E2F3: variants seen among roughly 807,000 people sequenced by gnomAD.
E2F3 encodes E2F transcription factor 3, also known as transcription factor E2F3.
Under a neutral mutation model 44.4 loss-of-function variants are expected in E2F3, and 11 were observed. That is an observed-to-expected ratio of 0.25 (90% CI 0.16 to 0.41). The LOEUF is 0.41. E2F3 is among the 10% of genes least tolerant of loss of function. The pLI, the probability that E2F3 is intolerant of heterozygous loss-of-function variation, is 1.00. For synonymous variants in E2F3, 249 were observed against 253.0 expected (o/e 0.98, Z 0.15); for missense variants, 487 against 583.6 (o/e 0.83, Z 1.70).
intron 1 of E2F3, among the ~76,000 whole-genome samples, chr6:20,472,296 G>A (rs1219026689): frequency 2.0e-5 from 3 of 152,118 alleles, no homozygotes; most frequent in Non-Finnish European, 4.4e-5. Flanking sequence ...TCGTGCAGTG[G>A]CAGCATGGAT....
chr6:20,438,919 A>C (rs752273242), intron 1 of E2F3, among the ~76,000 whole-genome samples: 63 of 152,294 alleles, frequency 4.1e-4, no homozygotes, highest in South Asian at 1.5e-3. Flanking sequence ...GCATGTTAGA[A>C]TGGTATTTTA....
intron 1 of E2F3, among the ~76,000 whole-genome samples, chr6:20,433,894 C>G (rs1760490014): frequency 6.6e-6 from 1 of 152,216 alleles, no homozygotes; most frequent in African/African-American, 2.4e-5. Context: ...TCCTTAAAAT[C>G]ATGTTAATGA....
chr6:20,482,231 C>T (rs1451627797), intron 3 of E2F3, among the ~76,000 whole-genome samples: 4 of 152,092 alleles, frequency 2.6e-5, no homozygotes, highest in South Asian at 2.1e-4. Flanking sequence ...TCAGTTCTTG[C>T]ATACATCACA....
In E2F3 at chr6:20,490,151, C is replaced by T; in HGVS notation, c.1136-17C>T. The T allele has an allele frequency of 1.3e-6, 2 of 1,550,646 alleles. No individual in the cohort carries two copies. Among genetic ancestry groups the T allele is most frequent in the South Asian group, 2.4e-5 (2 of 82,746 alleles). The stretch of plus-strand genomic sequence containing the variant: ...TTTCTAACTTATTTTTTGTTTCCAT[C>T]AATGTTTTCTTTTCAGACTTGGCTT... On this transcript the variant is annotated splice_polypyrimidine_tract_variant and intron_variant, in intron 6 of 6. Transcript: ENST00000346618. This position sits in a 1 kb window ranked among gnomAD's most constrained non-coding sequence, Gnocchi z 4.3.
intron 1 of E2F3, among the ~76,000 whole-genome samples, chr6:20,467,062 C>G (rs1012120459): frequency 2.6e-5 from 4 of 152,138 alleles, no homozygotes; most frequent in African/African-American, 9.7e-5. Flanking sequence ...CTCTTCCCCC[C>G]TACCCTTCAT....
chr6:20,436,524 G>A (rs984395492), intron 1 of E2F3, among the ~76,000 whole-genome samples: 18 of 152,014 alleles, frequency 1.2e-4, no homozygotes, highest in East Asian at 3.9e-4. Flanking sequence ...AAGAAACTTC[G>A]TGAATTTCTG....
chr6:20,431,114 A>C (rs1760385718), intron 1 of E2F3, among the ~76,000 whole-genome samples: 1 of 152,192 alleles, frequency 6.6e-6, no homozygotes, highest in South Asian at 2.1e-4. Flanking sequence ...AATTCACAAG[A>C]GTGTGCTGAA....
intron 1 of E2F3, among the ~76,000 whole-genome samples, chr6:20,434,993 G>A (rs182827919): frequency 2.0e-4 from 30 of 152,354 alleles, no homozygotes; most frequent in Non-Finnish European, 3.7e-4. Context: ...CAGATTTGGC[G>A]TCAGCCGTGG....
chr6:20,445,843 C>T (rs145712345), intron 1 of E2F3, among the ~76,000 whole-genome samples: 1 of 152,260 alleles, frequency 6.6e-6, no homozygotes, highest in African/African-American at 2.4e-5. Context: ...AATTTAAAAA[C>T]AAGTAAGATG....
chr6:20,450,275 C>T (rs936749135), intron 1 of E2F3, among the ~76,000 whole-genome samples: 2 of 152,074 alleles, frequency 1.3e-5, no homozygotes, highest in Non-Finnish European at 2.9e-5. Flanking sequence ...GGCAACCTCA[C>T]CAGCATCTAT....
At position 20,491,178 on chromosome 6, in the gene E2F3, G is replaced by T. The variant is rs1326156281; in HGVS notation, c.*748G>T. 4.3e-6 allele frequency: 1 copy of T among 232,640 alleles called. No individual in the cohort carries two copies. Among genetic ancestry groups the T allele is most frequent in the Admixed American group, 5.6e-5 (1 of 17,724 alleles). The allele number at this position is 232,640 out of a possible 1,614,324, so 14.4% of individuals were successfully genotyped here. On this transcript the variant is annotated 3_prime_UTR_variant, in exon 7 of 7. Transcript: ENST00000346618. ...CCATTCCCCCGTCCCCAATGTGTTT[G>T]TGAGTTTCCAGTTGATTTGTAGCAA...
In E2F3 at chr6:20,490,044, G is replaced by C; in HGVS notation, c.1136-124G>C. ...AAAAGGTGATCTGCATCATAAAGTC[G>C]TCTCATTGTCATTATTTGCGGAAGG... On this transcript the variant is annotated intron_variant, in intron 6 of 6. Transcript: ENST00000346618. This position sits in a 1 kb window ranked among gnomAD's most constrained non-coding sequence, Gnocchi z 4.3. The C allele has an allele frequency of 9.3e-7, 1 of 1,075,450 alleles. No homozygotes were observed. The highest frequency in any genetic ancestry group is 1.3e-6 in the Non-Finnish European group (1 of 763,002). The allele number at this position is 1,075,450 out of a possible 1,614,324, so 66.6% of individuals were successfully genotyped here.
chr6:20,474,918 A>G (rs1459494352), intron 1 of E2F3, among the ~76,000 whole-genome samples: 2 of 152,080 alleles, frequency 1.3e-5, no homozygotes, highest in African/African-American at 4.8e-5. Context: ...CCCAACGGGA[A>G]CCTCCCTTCT....
chr6:20,433,289 C>T (rs928760022), intron 1 of E2F3, among the ~76,000 whole-genome samples: 3 of 152,122 alleles, frequency 2.0e-5, no homozygotes, highest in African/African-American at 4.8e-5. Context: ...CTGTCTGTGT[C>T]GTGCATTATG....
intron 1 of E2F3, among the ~76,000 whole-genome samples, chr6:20,450,366 A>G (rs899793118): frequency 2.0e-5 from 3 of 152,116 alleles, no homozygotes; most frequent in African/African-American, 4.8e-5. Context: ...CATTTTTCTA[A>G]TGATCAGTGA....
intron 1 of E2F3, among the ~76,000 whole-genome samples, chr6:20,460,827 C>T (rs1761477322): frequency 6.6e-6 from 1 of 151,506 alleles, no homozygotes; most frequent in Non-Finnish European, 1.5e-5. Flanking sequence ...GAAACCCTAT[C>T]TCTACTAAAA....
At chr6:20,423,868 A>G (rs1489763256) in intron 1 of E2F3, among the ~76,000 whole-genome samples, 5 of 151,850 alleles carry the variant, frequency 3.3e-5, no homozygotes, top group Non-Finnish European at 5.9e-5. Context: ...TCCCGAGTTC[A>G]ACCGATTCTC....
chr6:20,445,058 C>A, intron 1 of E2F3: 4 of 985,408 alleles, frequency 4.1e-6, no homozygotes, highest in Non-Finnish European at 3.6e-6. Flanking sequence ...GGACCAATAA[C>A]ACCCTGAGTG....
At chr6:20,453,256 A>G (rs1338438979) in intron 1 of E2F3, among the ~76,000 whole-genome samples, 4 of 152,138 alleles carry the variant, frequency 2.6e-5, no homozygotes. Flanking sequence ...AGTCACAGAA[A>G]GCATTTCCAC....
Sources: allele counts gnomAD v4.1 joint callset (sites outside exome capture counted in the v4.1 genomes callset), GRCh38; gene constraint gnomAD v4.1.1; non-coding constraint Gnocchi (gnomAD v3.1); transcripts MANE v1.5; gene names NCBI Gene and HGNC (gene_info 2026-07-23, HGNC 2026-07-21).